The following TP73 variants were observed in gnomAD, a reference collection of about 807,000 sequenced individuals.
The protein encoded by TP73 is p53-like transcription factor.
Under a neutral mutation model 62.5 loss-of-function variants are expected in TP73, and 25 were observed. The observed-to-expected ratio is 0.40, with a 90% CI of 0.29 to 0.56. TP73 has a LOEUF of 0.56. Among genes scored for constraint, TP73 ranks in the 20% least tolerant of loss-of-function variants. The pLI, the probability that TP73 is intolerant of heterozygous loss-of-function variation, is 0.46. For missense variants in TP73, 754 were observed against 913.3 expected, an observed-to-expected ratio of 0.83 and a Z score of 2.25; for synonymous variants, 423 against 377.5, an observed-to-expected ratio of 1.12 and a Z score of -1.40.
At chr1:3,726,288 GTGGATGGATGGATGGATGGA>G (rs1641584353) in intron 6 of TP73, among the ~76,000 whole-genome samples, 2 of 32,156 alleles carry the variant, frequency 6.2e-5, no homozygotes, top group Non-Finnish European at 1.5e-4. Context: ...GGGTGGGTGG[GTGGATGGATGGATGGATGGA>G]GTGGGTGGAT....
chr1:3,673,264 AC>A (rs1645284860), intron 1 of TP73, among the ~76,000 whole-genome samples: 1 of 151,988 alleles, frequency 6.6e-6, no homozygotes, highest in Non-Finnish European at 1.5e-5. Flanking sequence ...GGAGCCAGGG[AC>A]CCGGCAGCCA....
At chr1:3,653,408 A>G (rs1644801571) in intron 1 of TP73, among the ~76,000 whole-genome samples, 1 of 152,218 alleles carries the variant, frequency 6.6e-6, no homozygotes, top group African/African-American at 2.4e-5. Flanking sequence ...GGGAGCGATG[A>G]TTACCTTTGC....
At chr1:3,702,251 AG>A (rs954692552) in intron 3 of TP73, among the ~76,000 whole-genome samples, 2 of 152,128 alleles carry the variant, frequency 1.3e-5, no homozygotes, top group Non-Finnish European at 2.9e-5. Flanking sequence ...CAGGCAGGCC[AG>A]GGGGCAGGCG....
intron 1 of TP73, among the ~76,000 whole-genome samples, chr1:3,665,819 C>CT (rs140454580): frequency 0.71 from 68,493 of 96,876 alleles, 24,867 homozygotes; most frequent in Non-Finnish European, 0.73. Context: ...CGTGCCCGGC[C>CT]TTTTTTTTTT....
At chr1:3,711,330 C>A (rs1361169988) in intron 4 of TP73, among the ~76,000 whole-genome samples, 1 of 152,246 alleles carries the variant, frequency 6.6e-6, no homozygotes, top group South Asian at 2.1e-4. Context: ...GAGCTCTCTG[C>A]AGGGCATGCA....
rs539097826 is a variant in TP73, at chr1:3,662,804, G to T, written c.-34+10163G>T. On this transcript the variant is annotated intron_variant, in intron 1 of 13. Transcript: ENST00000378295. This position sits in a 1 kb window ranked among gnomAD's most constrained non-coding sequence, Gnocchi z 4.4. ...TCTATGGGCCTTGGAGATGGAATCA[G>T]CTCCCCACCAGGCCCCAGGACAGAC... Among the ~76,000 whole-genome samples, 64 of 152,298 alleles carry T rather than the reference G, an allele frequency of 4.2e-4. 2 individuals carry two copies. The South Asian group carries it at 0.013, about 31-fold the overall frequency.
intron 4 of TP73, among the ~76,000 whole-genome samples, chr1:3,721,167 C>T (rs894869783): frequency 2.0e-5 from 3 of 152,260 alleles, no homozygotes; most frequent in African/African-American, 7.2e-5. Context: ...ACTTTTAGAA[C>T]TCATGAGAGC....
chr1:3,730,195 C>T, intron 11 of TP73, 47 bp downstream of exon 11: 1 of 1,467,464 alleles, frequency 6.8e-7, no homozygotes, highest in Non-Finnish European at 9.1e-7. Context: ...CGGGGAGGCC[C>T]ACTGGGGGCG....
At chr1:3,687,039 A>G (rs893252026) in intron 3 of TP73, among the ~76,000 whole-genome samples, 1 of 152,174 alleles carries the variant, frequency 6.6e-6, no homozygotes, top group Non-Finnish European at 1.5e-5. Context: ...AGGAGGGCCT[A>G]GGATAGGATC....
chr1:3,705,764 A>AACT lies in TP73; in HGVS notation c.187-1785_187-1784insACT, dbSNP rs1378260443. ...GACTGCACTCAGTGGAGGACTCAGT[A>AACT]GAGGACTCAGAGAGGACGCAAACTC... On this transcript the variant is annotated intron_variant, in intron 3 of 13. Transcript: ENST00000378295. Among the ~76,000 whole-genome samples, 15 of 152,210 alleles carry AACT rather than the reference A, an allele frequency of 9.9e-5. 1 individual carries two copies. Among genetic ancestry groups the AACT allele is most frequent in the African/African-American group, 2.4e-4 (10 of 41,464 alleles).
chr1:3,685,698 G>T (rs1406874473), intron 3 of TP73, among the ~76,000 whole-genome samples: 1 of 152,230 alleles, frequency 6.6e-6, no homozygotes, highest in East Asian at 1.9e-4. Context: ...CTTGAGAATG[G>T]CCCCTGGCCC....
At chr1:3,655,451 G>C (rs919216634) in intron 1 of TP73, among the ~76,000 whole-genome samples, 1 of 152,214 alleles carries the variant, frequency 6.6e-6, no homozygotes, top group African/African-American at 2.4e-5. Flanking sequence ...TTTGCGGCTT[G>C]CCTTTGTTTT....
rs980320058 is a variant in TP73 at position 3,701,960 on chromosome 1, TCTCTCCTGCCC to T, written c.187-5580_187-5570del. Among the ~76,000 whole-genome samples, 32 of 151,912 alleles carry T rather than the reference TCTCTCCTGCCC, an allele frequency of 2.1e-4. No individual in the cohort carries two copies. Among genetic ancestry groups the T allele is most frequent in the African/African-American group, 7.7e-4 (32 of 41,362 alleles). ...CTTGGCCCCCCAGGTCCCTGGGAGG[TCTCTCCTGCCC>T]CTCTCCTGGATGGGCAGAGAGGCCT... On this transcript the variant is annotated intron_variant, in intron 3 of 13. Transcript: ENST00000378295. This position sits in a 1 kb window ranked among gnomAD's most constrained non-coding sequence, Gnocchi z 4.7.
At chr1:3,719,840 G>A (rs916546681) in intron 4 of TP73, among the ~76,000 whole-genome samples, 1 of 152,040 alleles carries the variant, frequency 6.6e-6, no homozygotes, top group South Asian at 2.1e-4. Flanking sequence ...GCCCGCACAG[G>A]GGTGGGCTGC....
rs541544980 is a variant in TP73, at chr1:3,683,566, A to G, written c.186+386A>G. ...AAGGGCTTTGGGCATGGCTGTGTCC[A>G]GGTGCTTCACAGCTGCCTCGCTCAG... On this transcript the variant is annotated intron_variant, in intron 3 of 13. Coordinates refer to ENST00000378295, the MANE Select transcript of TP73 (RefSeq NM_005427.4). 1.3e-4 allele frequency among the ~76,000 whole-genome samples: 20 copies of G among 152,292 alleles called. No individual in the cohort carries two copies. In the East Asian group the frequency reaches 3.9e-3, roughly 29 times the overall value.
intron 1 of TP73, among the ~76,000 whole-genome samples, chr1:3,681,457 G>T (rs1645518494): frequency 6.6e-6 from 1 of 152,166 alleles, no homozygotes. Flanking sequence ...GGGCCCAGGG[G>T]TTCTCAGGGG....
Position 3,666,649 on chromosome 1 carries a change from G to A in TP73, c.-34+14008G>A, listed in dbSNP as rs764797191. 5.9e-5 allele frequency among the ~76,000 whole-genome samples: 9 copies of A among 152,144 alleles called. No homozygotes were observed. The highest frequency in any genetic ancestry group is 1.3e-4 in the Non-Finnish European group (9 of 68,036). Reference sequence around the variant, plus strand: ...CCTGGCCTTGGCTGCAGGCTAGGGTGCCCTTTGACCTCAAAGAGGCCTGTC... The same window carrying A: ...CCTGGCCTTGGCTGCAGGCTAGGGTACCCTTTGACCTCAAAGAGGCCTGTC... On this transcript the variant is annotated intron_variant, in intron 1 of 13. Transcript: ENST00000378295. The surrounding 1 kb of genome is among the most constrained non-coding windows in gnomAD (Gnocchi z 6.4).
intron 4 of TP73, among the ~76,000 whole-genome samples, chr1:3,711,846 ATGTG>A (rs3841787): frequency 0.013 from 2,013 of 150,200 alleles, 42 homozygotes; most frequent in African/African-American, 0.046. Context: ...GAGCGTGTGT[ATGTG>A]TGTGTGTGTG....
rs773690131 is a variant in TP73, at chr1:3,690,895, C to G, written c.186+7715C>G. On this transcript the variant is annotated intron_variant, in intron 3 of 13. Transcript: ENST00000378295. ...AGTTCCCTGGCGTGTGCAGACCCCCCGGCGCCTACCATGCTGTACGTCGGT... is the reference window on the plus strand; with the variant it reads ...AGTTCCCTGGCGTGTGCAGACCCCCGGGCGCCTACCATGCTGTACGTCGGT... 6 of 1,572,930 alleles carry G rather than the reference C, an allele frequency of 3.8e-6. No homozygotes were observed. The African/African-American group carries it at 8.1e-5, about 21-fold the overall frequency.
Sources: allele counts gnomAD v4.1 joint callset (sites outside exome capture counted in the v4.1 genomes callset), GRCh38; gene constraint gnomAD v4.1.1; non-coding constraint Gnocchi (gnomAD v3.1); transcripts MANE v1.5; gene names NCBI Gene and HGNC (gene_info 2026-07-23, HGNC 2026-07-21).